The following FAR1 variants were observed in gnomAD, a reference collection of about 807,000 sequenced individuals.
FAR1 encodes male sterility domain-containing protein 2.
In FAR1, 22 loss-of-function variants were observed where a neutral mutation model predicts 61.1. The observed-to-expected ratio is 0.36, with a 90% CI of 0.26 to 0.51. The LOEUF is 0.51. Among genes scored for constraint, FAR1 ranks in the 20% least tolerant of loss-of-function variants. FAR1 has a pLI of 0.95. For missense variants in FAR1, 359 were observed against 626.9 expected (o/e 0.57, Z 4.56); for synonymous variants, 206 against 209.7 (o/e 0.98, Z 0.15).
rs1005742833 is a variant in FAR1 at position 13,723,668 on chromosome 11, G to A, written c.1257+1809G>A. 3.9e-5 allele frequency among the ~76,000 whole-genome samples: 6 copies of A among 151,984 alleles called. No individual in the cohort carries two copies. In the East Asian group the frequency reaches 7.7e-4, roughly 20 times the overall value. On this transcript the variant is annotated intron_variant, in intron 10 of 11. Transcript: ENST00000354817. ...ATTGCCTCTTCACTATTCTTATATC[G>A]TCTTCCAAAATTCCTAGTGTATGTT...
At chr11:13,716,345 C>G (rs1262822692) in intron 9 of FAR1, among the ~76,000 whole-genome samples, 1 of 152,172 alleles carries the variant, frequency 6.6e-6, no homozygotes, top group Non-Finnish European at 1.5e-5. Context: ...TCATCTCAAA[C>G]TTAGAAGCTA....
At chr11:13,704,118 G>A (rs1207016056) in intron 3 of FAR1, among the ~76,000 whole-genome samples, 1 of 151,822 alleles carries the variant, frequency 6.6e-6, no homozygotes. Context: ...TTCATCATGG[G>A]ATCTGGCATA....
rs568522934 is a variant in FAR1 at position 13,729,521 on chromosome 11, A to G, written c.*747A>G. 2 of 152,010 alleles carry G rather than the reference A, an allele frequency of 1.3e-5. No individual in the cohort carries two copies. Among genetic ancestry groups the G allele is most frequent in the African/African-American group, 2.4e-5 (1 of 41,438 alleles). 9.4% of individuals were successfully genotyped at this position (152,010 alleles called of 1,614,324 possible). On this transcript the variant is annotated 3_prime_UTR_variant, in exon 12 of 12. Coordinates refer to ENST00000354817, the MANE Select transcript of FAR1 (RefSeq NM_032228.6). ...AAATTCCGTAAAACTGTTAGTATCAAAAAGAATAGGAATACAGTTTTCTTT... is the reference window on the plus strand; with the variant it reads ...AAATTCCGTAAAACTGTTAGTATCAGAAAGAATAGGAATACAGTTTTCTTT...
chr11:13,701,217 C>T (rs1206860329), intron 3 of FAR1, among the ~76,000 whole-genome samples: 1 of 151,542 alleles, frequency 6.6e-6, no homozygotes, highest in African/African-American at 2.4e-5. Context: ...GGTTTCAAAG[C>T]TACTTGAAAT....
chr11:13,697,544 C>T (rs1366679210), intron 2 of FAR1, among the ~76,000 whole-genome samples: 3 of 151,970 alleles, frequency 2.0e-5, no homozygotes, highest in Non-Finnish European at 2.9e-5. Context: ...CATTAGTAAA[C>T]GTAGTAAAGT....
intron 1 of FAR1, among the ~76,000 whole-genome samples, chr11:13,684,195 C>T (rs534939384): frequency 3.2e-4 from 48 of 152,142 alleles, no homozygotes; most frequent in Non-Finnish European, 5.3e-4. Flanking sequence ...GTTAGAGTCC[C>T]GTTAATTATT....
chr11:13,702,775 T>A (rs1216117068), intron 3 of FAR1, among the ~76,000 whole-genome samples: 2 of 152,216 alleles, frequency 1.3e-5, no homozygotes, highest in Non-Finnish European at 2.9e-5. Context: ...TTATATGCTT[T>A]GAAAGGTGGA....
chr11:13,692,193 T>G (rs1394762529), intron 1 of FAR1, among the ~76,000 whole-genome samples: 1 of 152,048 alleles, frequency 6.6e-6, no homozygotes, highest in Non-Finnish European at 1.5e-5. Context: ...AGCACCAACA[T>G]GATGCTCAAA....
chr11:13,672,777 G>A (rs1848023619), intron 1 of FAR1, among the ~76,000 whole-genome samples: 1 of 152,074 alleles, frequency 6.6e-6, no homozygotes, highest in African/African-American at 2.4e-5. Context: ...ACTGAAAGGT[G>A]GTATTTGCTT....
intron 1 of FAR1, among the ~76,000 whole-genome samples, chr11:13,670,320 G>T (rs767892394): frequency 6.7e-6 from 1 of 148,582 alleles, no homozygotes; most frequent in Non-Finnish European, 1.5e-5. Context: ...TGTGTGTCTC[G>T]CTTTGTTGCC....
At chr11:13,694,717 G>A in intron 1 of FAR1, 42 bp from the exon 2 acceptor site, 1 of 1,473,794 alleles carries the variant, frequency 6.8e-7, no homozygotes, top group South Asian at 1.3e-5. Flanking sequence ...AAGAATGATG[G>A]TGAATCCTTA....
chr11:13,715,906 C>A (rs1026681066), intron 9 of FAR1: 1 of 152,092 alleles, frequency 6.6e-6, no homozygotes, highest in East Asian at 1.9e-4. Flanking sequence ...GAGGTAACTG[C>A]CAGTTACAGT....
intron 10 of FAR1, among the ~76,000 whole-genome samples, chr11:13,723,846 TCA>T (rs1350967474): frequency 1.3e-5 from 2 of 152,322 alleles, no homozygotes; most frequent in East Asian, 3.9e-4. Context: ...TGTTTTATTT[TCA>T]GTTTTAGAAA....
intron 9 of FAR1, among the ~76,000 whole-genome samples, chr11:13,715,119 A>T (rs1848541238): frequency 6.6e-6 from 1 of 152,034 alleles, no homozygotes; most frequent in African/African-American, 2.4e-5. Flanking sequence ...GCTCGATTGC[A>T]CTCATGTTGA....
At chr11:13,725,443 TAAA>T (rs36122577) in intron 10 of FAR1, among the ~76,000 whole-genome samples, 15 of 137,280 alleles carry the variant, frequency 1.1e-4, no homozygotes, top group East Asian at 6.8e-4. Context: ...TTAAAAATAG[TAAA>T]AAAAAAAAAA....
At chr11:13,717,100 T>C (rs993329417) in intron 9 of FAR1, among the ~76,000 whole-genome samples, 1 of 151,896 alleles carries the variant, frequency 6.6e-6, no homozygotes, top group Non-Finnish European at 1.5e-5. Flanking sequence ...AATTCATATT[T>C]CTTCTACATG....
intron 1 of FAR1, among the ~76,000 whole-genome samples, chr11:13,683,127 T>A (rs942527049): frequency 4.6e-5 from 7 of 152,164 alleles, no homozygotes; most frequent in Non-Finnish European, 8.8e-5. Context: ...GAGTGGTGGC[T>A]CACGCCTGTA....
At chr11:13,710,960 A>T in intron 5 of FAR1, 90 bp downstream of exon 5, 1 of 1,156,408 alleles carries the variant, frequency 8.6e-7, no homozygotes, top group South Asian at 1.4e-5. Flanking sequence ...CTTTAAGAAC[A>T]GGTATTATTT....
intron 1 of FAR1, among the ~76,000 whole-genome samples, chr11:13,687,985 A>C (rs1434396153): frequency 6.6e-6 from 1 of 151,380 alleles, no homozygotes; most frequent in African/African-American, 2.4e-5. Context: ...GCATTAGGAG[A>C]TATACCTAAT....
Sources: gnomAD v4.1 joint callset for allele counts (sites outside exome capture counted in the v4.1 genomes callset) on GRCh38, gnomAD v4.1.1 for gene constraint, MANE v1.5 for transcripts, NCBI Gene and HGNC (gene_info 2026-07-23, HGNC 2026-07-21) for gene names.